PPP6R3: variants seen among roughly 807,000 people sequenced by gnomAD.
PPP6R3 encodes the protein protein phosphatase 6 regulatory subunit 3.
Under a neutral mutation model 110.7 loss-of-function variants are expected in PPP6R3, and 38 were observed. The observed-to-expected ratio is 0.34, with a 90% CI of 0.26 to 0.45. The LOEUF is 0.45. PPP6R3 is among the 20% of genes least tolerant of loss of function. PPP6R3 has a pLI of 1.00. For missense variants in PPP6R3, 870 were observed against 1,062.4 expected (o/e 0.82, Z 2.52); for synonymous variants, 369 against 373.5 (o/e 0.99, Z 0.14).
intron 1 of PPP6R3, among the ~76,000 whole-genome samples, chr11:68,482,105 G>A (rs1369253336): frequency 6.6e-6 from 1 of 151,520 alleles, no homozygotes; most frequent in Non-Finnish European, 1.5e-5. Flanking sequence ...CCGGCCGGGT[G>A]CAGTGGCTCA....
At chr11:68,488,727 A>C (rs944903335) in intron 1 of PPP6R3, 3 of 152,116 alleles carry the variant, frequency 2.0e-5, no homozygotes, top group African/African-American at 7.2e-5. Context: ...CTGATTGATC[A>C]TGATGGCCTA....
At chr11:68,521,715 G>A (rs988102171) in intron 2 of PPP6R3, among the ~76,000 whole-genome samples, 2 of 152,164 alleles carry the variant, frequency 1.3e-5, no homozygotes, top group African/African-American at 4.8e-5. Context: ...CAAAAAAGAG[G>A]ATTTTATGAA....
In PPP6R3 at chr11:68,574,239, A is replaced by G. The variant is rs1324450053; in HGVS notation, c.1459+15A>G. On this transcript the variant is annotated intron_variant, in intron 13 of 23. Coordinates refer to ENST00000393800, the MANE Select transcript of PPP6R3 (RefSeq NM_001164161.2). ...GCTTATCAAAGGTAAGTTATTTGTGAAATTTGAATTACATTTTTGTTGGGT... is the reference window on the plus strand; with the variant it reads ...GCTTATCAAAGGTAAGTTATTTGTGGAATTTGAATTACATTTTTGTTGGGT... 1.3e-6 allele frequency: 2 copies of G among 1,598,048 alleles called. No homozygotes were observed. Among genetic ancestry groups the G allele is most frequent in the East Asian group, 2.2e-5 (1 of 44,764 alleles).
intron 9 of PPP6R3, among the ~76,000 whole-genome samples, chr11:68,566,237 G>GGCTGCTGCTGCTGCTGCT (rs59680768): frequency 7.3e-5 from 11 of 151,152 alleles, no homozygotes; most frequent in Admixed American, 1.3e-4. Context: ...CCACCACCAC[G>GGCTGCTGCTGCTGCTGCT]GCTGCTGCTG....
At chr11:68,513,616 A>G (rs1046920138) in intron 1 of PPP6R3, among the ~76,000 whole-genome samples, 2 of 152,192 alleles carry the variant, frequency 1.3e-5, no homozygotes, top group African/African-American at 4.8e-5. Flanking sequence ...ACAGACAAAA[A>G]CTACAAGAAA....
chr11:68,614,777 G>C lies in PPP6R3; in HGVS notation c.*1660G>C. ...CCCCTCTCTGAAGAGACTGTCCTTG[G>C]GCCTCCTCTGGAAGCAGCACCCCCA... On this transcript the variant is annotated 3_prime_UTR_variant, in exon 24 of 24. Coordinates refer to ENST00000393800, the MANE Select transcript of PPP6R3 (RefSeq NM_001164161.2). The C allele has an allele frequency of 6.5e-7, 1 of 1,538,816 alleles. No homozygotes were observed. The highest frequency in any genetic ancestry group is 8.8e-7 in the Non-Finnish European group (1 of 1,137,360).
At chr11:68,611,856 T>TG (rs1943605917) in intron 23 of PPP6R3, among the ~76,000 whole-genome samples, 1 of 152,206 alleles carries the variant, frequency 6.6e-6, no homozygotes, top group Non-Finnish European at 1.5e-5. Context: ...CTTTCCTGTG[T>TG]GGTTCCCGTC....
chr11:68,607,339 A>G (rs910856995), intron 22 of PPP6R3, among the ~76,000 whole-genome samples: 1 of 152,244 alleles, frequency 6.6e-6, no homozygotes, highest in Non-Finnish European at 1.5e-5. Context: ...AAATAGAGGG[A>G]TTAATAATGG....
chr11:68,461,019 C>T (rs1263978058), intron 1 of PPP6R3, among the ~76,000 whole-genome samples, 192 bp downstream of exon 1: 1 of 151,770 alleles, frequency 6.6e-6, no homozygotes, highest in Non-Finnish European at 1.5e-5. Context: ...CCCGGCCGCT[C>T]CCCGTCCGCT....
intron 1 of PPP6R3, among the ~76,000 whole-genome samples, chr11:68,469,599 G>A (rs545531664): frequency 6.6e-6 from 1 of 150,536 alleles, no homozygotes; most frequent in Non-Finnish European, 1.5e-5. Context: ...GGCTGGTCTT[G>A]AACTCCTGGG....
chr11:68,605,823 G>A (rs1383624019), intron 22 of PPP6R3, among the ~76,000 whole-genome samples: 1 of 152,192 alleles, frequency 6.6e-6, no homozygotes, highest in African/African-American at 2.4e-5. Flanking sequence ...ACCAAATCCA[G>A]AGTAAATGGG....
intron 3 of PPP6R3, among the ~76,000 whole-genome samples, chr11:68,542,672 G>A (rs897770673): frequency 1.3e-5 from 2 of 152,104 alleles, no homozygotes; most frequent in African/African-American, 4.8e-5. Flanking sequence ...GGGACTATTG[G>A]TGTGCGCCAC....
intron 3 of PPP6R3, among the ~76,000 whole-genome samples, chr11:68,542,794 C>A (rs1314539434): frequency 6.6e-6 from 1 of 152,164 alleles, no homozygotes; most frequent in Admixed American, 6.5e-5. Flanking sequence ...TAACATTATG[C>A]ATGCTTCTTG....
intron 1 of PPP6R3, among the ~76,000 whole-genome samples, chr11:68,468,965 C>A (rs542249257): frequency 6.6e-6 from 1 of 152,166 alleles, no homozygotes; most frequent in South Asian, 2.1e-4. Flanking sequence ...TAATCACATA[C>A]GCCTTGAAGG....
chr11:68,511,752 A>G (rs532194112), intron 1 of PPP6R3, among the ~76,000 whole-genome samples: 4 of 137,194 alleles, frequency 2.9e-5, no homozygotes, highest in Non-Finnish European at 4.6e-5. Context: ...AAGTGCTGGG[A>G]TTACAGGCAT....
At chr11:68,600,290 A>G (rs1317763887) in intron 19 of PPP6R3, 51 bp from the exon 20 acceptor site, 2 of 1,554,012 alleles carry the variant, frequency 1.3e-6, no homozygotes, top group East Asian at 4.5e-5. Flanking sequence ...ACCTTGTGGT[A>G]CATGAAACGA....
At chr11:68,594,335 TGAGAGAGAGAGTGAGA>T (rs1447289886) in intron 18 of PPP6R3, among the ~76,000 whole-genome samples, 6 of 81,500 alleles carry the variant, frequency 7.4e-5, no homozygotes, top group Admixed American at 1.2e-4. Context: ...AGAGAGAGAG[TGAGAGAGAGAGTGAGA>T]GAGAGAGAGA....
chr11:68,563,202 AAAAC>A (rs2099433832), intron 8 of PPP6R3, among the ~76,000 whole-genome samples: 1 of 152,128 alleles, frequency 6.6e-6, no homozygotes, highest in Non-Finnish European at 1.5e-5. Context: ...GGAAACAACA[AAAAC>A]AAAGCAGTAA....
intron 1 of PPP6R3, among the ~76,000 whole-genome samples, chr11:68,496,659 G>C (rs1314762914): frequency 2.6e-5 from 4 of 151,980 alleles, no homozygotes; most frequent in Non-Finnish European, 4.4e-5. Context: ...TTTTAGTAGA[G>C]TCGGGGTTTT....
Sources: gnomAD v4.1 joint callset for allele counts (sites outside exome capture counted in the v4.1 genomes callset) on GRCh38, gnomAD v4.1.1 for gene constraint, MANE v1.5 for transcripts, NCBI Gene and HGNC (gene_info 2026-07-23, HGNC 2026-07-21) for gene names.